MAGI2: variants seen among roughly 807,000 people sequenced by gnomAD.
MAGI2 encodes membrane-associated guanylate kinase, WW and PDZ domain-containing protein 2.
MAGI2 carries 35 observed loss-of-function variants against 133.3 expected under a neutral mutation model. That is an observed-to-expected ratio of 0.26 (90% CI 0.20 to 0.35). The LOEUF (loss-of-function observed/expected upper bound fraction) is 0.35, where lower values mean the gene tolerates loss of function less well. Among genes scored for constraint, MAGI2 ranks in the 10% least tolerant of loss-of-function variants. The pLI, the probability that MAGI2 is intolerant of heterozygous loss-of-function variation, is 1.00. For missense variants in MAGI2, 1,636 were observed against 1,863.4 expected (o/e 0.88, Z 2.25); for synonymous variants, 729 against 710.6 (o/e 1.03, Z -0.41).
intron 2 of MAGI2, among the ~76,000 whole-genome samples, chr7:78,737,237 A>G (rs958213758): frequency 1.3e-5 from 2 of 152,194 alleles, no homozygotes; most frequent in African/African-American, 4.8e-5. Flanking sequence ...AAGAGTGGCA[A>G]AATTAAAGAG....
intron 1 of MAGI2, among the ~76,000 whole-genome samples, chr7:79,350,058 C>G (rs1347715483): frequency 6.6e-6 from 1 of 152,010 alleles, no homozygotes; most frequent in Non-Finnish European, 1.5e-5. Context: ...GATGCTGAGG[C>G]CAGAACTTGA....
chr7:78,551,987 T>C (rs2005876), intron 3 of MAGI2, among the ~76,000 whole-genome samples: 54,907 of 152,084 alleles, frequency 0.36, 11,724 homozygotes, highest in Non-Finnish European at 0.48. Context: ...TCAAGCAACT[T>C]GCCTGCTTTG....
At chr7:78,483,455 AT>A (rs757989102) in intron 6 of MAGI2, among the ~76,000 whole-genome samples, 6 of 151,852 alleles carry the variant, frequency 4.0e-5, no homozygotes, top group Admixed American at 2.0e-4. Context: ...TACATAAATC[AT>A]TGGTGCAGGA....
chr7:78,434,010 ATGT>A (rs1800042954), intron 6 of MAGI2, among the ~76,000 whole-genome samples: 1 of 152,194 alleles, frequency 6.6e-6, no homozygotes, highest in Non-Finnish European at 1.5e-5. Context: ...GGAGGAAAAT[ATGT>A]ATTGATAAAA....
intron 1 of MAGI2, among the ~76,000 whole-genome samples, chr7:79,187,569 C>T (rs1827278022): frequency 6.6e-6 from 1 of 151,804 alleles, no homozygotes; most frequent in South Asian, 2.1e-4. Context: ...CAACAATTTA[C>T]TGGATGTAGA....
At chr7:78,743,419 T>C (rs919304853) in intron 2 of MAGI2, among the ~76,000 whole-genome samples, 1 of 152,132 alleles carries the variant, frequency 6.6e-6, no homozygotes, top group African/African-American at 2.4e-5. Flanking sequence ...AAAAGAACCT[T>C]CCTTGTTCAA....
At chr7:79,145,170 T>C (rs1822498967) in intron 1 of MAGI2, among the ~76,000 whole-genome samples, 1 of 152,212 alleles carries the variant, frequency 6.6e-6, no homozygotes, top group South Asian at 2.1e-4. Flanking sequence ...ATGTGCTGCC[T>C]CTGAACATTG....
At chr7:79,450,694 A>G (rs1216138138) in intron 1 of MAGI2, among the ~76,000 whole-genome samples, 1 of 152,210 alleles carries the variant, frequency 6.6e-6, no homozygotes, top group Non-Finnish European at 1.5e-5. Context: ...TCAATACAAG[A>G]GTGATCTCCA....
At chr7:79,208,705 G>A (rs530431391) in intron 1 of MAGI2, among the ~76,000 whole-genome samples, 5 of 152,016 alleles carry the variant, frequency 3.3e-5, no homozygotes, top group Admixed American at 2.0e-4. Context: ...AATGCAATCC[G>A]TATGTTGAAG....
chr7:79,234,582 G>A (rs926023440), intron 1 of MAGI2, among the ~76,000 whole-genome samples: 15 of 151,780 alleles, frequency 9.9e-5, no homozygotes, highest in African/African-American at 1.5e-4. Context: ...CCAGTTGATC[G>A]CATCGGCTCC....
rs367920302 is a variant in MAGI2, at chr7:79,367,858, CATATATAT to C, written c.301+85154_301+85161del. On this transcript the variant is annotated intron_variant, in intron 1 of 21. Transcript: ENST00000354212. ...CATATATATATGCTTATATATGTGA[CATATATAT>C]ATATATATATGTCATTGACTGGTCA... Among the ~76,000 whole-genome samples the C allele has an allele frequency of 2.6e-3, 224 of 87,142 alleles. 11 individuals are homozygous for C. Among genetic ancestry groups the C allele is most frequent in the African/African-American group, 9.8e-3 (211 of 21,568 alleles). The allele number at this position is 87,142 out of a possible 152,430, so 57.2% of individuals were successfully genotyped here. A position where few individuals can be genotyped will look rare whatever the true frequency, so the allele number is the denominator to read the frequency against.
intron 2 of MAGI2, among the ~76,000 whole-genome samples, chr7:78,770,383 T>A (rs1417541834): frequency 6.6e-6 from 1 of 152,206 alleles, no homozygotes; most frequent in Non-Finnish European, 1.5e-5. Context: ...GGGTGCCATT[T>A]CAAACTTATT....
chr7:78,084,293 G>A (rs543697696), intron 20 of MAGI2, among the ~76,000 whole-genome samples: 1 of 152,168 alleles, frequency 6.6e-6, no homozygotes, highest in South Asian at 2.1e-4. Context: ...TGCCATCATC[G>A]TTCCTCCCTT....
intron 1 of MAGI2, among the ~76,000 whole-genome samples, chr7:79,400,689 A>G (rs1479018617): frequency 6.6e-6 from 1 of 152,154 alleles, no homozygotes; most frequent in Non-Finnish European, 1.5e-5. Context: ...ATTCAAGTAA[A>G]TTTACCTTAC....
At chr7:78,098,506 G>A (rs1308660989) in intron 20 of MAGI2, among the ~76,000 whole-genome samples, 1 of 151,908 alleles carries the variant, frequency 6.6e-6, no homozygotes, top group Non-Finnish European at 1.5e-5. Flanking sequence ...TTCTATTGAC[G>A]TATATTTAGA....
chr7:79,190,311 G>C (rs542455643), intron 1 of MAGI2, among the ~76,000 whole-genome samples: 2 of 151,838 alleles, frequency 1.3e-5, no homozygotes, highest in African/African-American at 4.8e-5. Flanking sequence ...TAAGTTTTAG[G>C]CATTCTAAAA....
rs541868796 is a variant in MAGI2, at chr7:78,523,351, C to T, written c.539-1706G>A. Among the ~76,000 whole-genome samples the T allele has an allele frequency of 9.2e-5, 14 of 152,032 alleles. No individual in the cohort carries two copies. In the East Asian group the frequency reaches 2.5e-3, roughly 27 times the overall value. ...GGCTAGTTGAGAGATAATTGCCCGACGCCCGTAGTCCCATCTATTCTGGAG... is the reference window on the plus strand; with the variant it reads ...GGCTAGTTGAGAGATAATTGCCCGATGCCCGTAGTCCCATCTATTCTGGAG... On this transcript the variant is annotated intron_variant, in intron 3 of 21. Transcript: ENST00000354212.
At chr7:78,994,453 C>T (rs1283211474) in intron 2 of MAGI2, among the ~76,000 whole-genome samples, 2 of 152,004 alleles carry the variant, frequency 1.3e-5, no homozygotes, top group East Asian at 3.9e-4. Context: ...CTTATTTAAC[C>T]CACTACCATT....
At position 78,955,733 on chromosome 7, in the gene MAGI2, CT is replaced by C. The variant is rs560339274; in HGVS notation, c.418+51356del. On this transcript the variant is annotated intron_variant, in intron 2 of 21. Transcript: ENST00000354212. ...TCTTTTTCTTTCTTTCTCTTTCTTT[CT>C]TTCTTTCTTTCTTTCTTTCTTTCTT... 6.7e-3 allele frequency among the ~76,000 whole-genome samples: 330 copies of C among 49,220 alleles called. 4 individuals carry two copies. The highest frequency in any genetic ancestry group is 0.025 in the Middle Eastern group (2 of 80). 32.3% of individuals were successfully genotyped at this position (49,220 alleles called of 152,430 possible).
Sources: gnomAD v4.1 joint callset for allele counts (sites outside exome capture counted in the v4.1 genomes callset) on GRCh38, gnomAD v4.1.1 for gene constraint, MANE v1.5 for transcripts, NCBI Gene and HGNC (gene_info 2026-07-23, HGNC 2026-07-21) for gene names.